LMNTD1: variants seen among roughly 807,000 people sequenced by gnomAD.
LMNTD1 encodes lamin tail domain-containing protein 1.
LMNTD1 carries 35 observed loss-of-function variants against 50.9 expected under a neutral mutation model. That is an observed-to-expected ratio of 0.69 (90% CI 0.53 to 0.91). The LOEUF (loss-of-function observed/expected upper bound fraction) is 0.91, where lower values mean the gene tolerates loss of function less well. Ranked by LOEUF, LMNTD1 falls within the 40% of genes least tolerant of loss-of-function variation. LMNTD1 has a pLI of 0.00. For synonymous variants in LMNTD1, 153 were observed against 161.9 expected (o/e 0.94, Z 0.42); for missense variants, 470 against 475.5 (o/e 0.99, Z 0.11).
At chr12:25,532,068 AAG>A (rs201920919) in intron 4 of LMNTD1, among the ~76,000 whole-genome samples, 1,571 of 152,252 alleles carry the variant, frequency 0.01, 32 homozygotes, top group Non-Finnish European at 0.011. Flanking sequence ...TCCTGGTCAG[AAG>A]ACTACAATGT....
chr12:25,494,552 A>C (rs796263382), intron 9 of LMNTD1, among the ~76,000 whole-genome samples: 7 of 152,294 alleles, frequency 4.6e-5, no homozygotes, highest in African/African-American at 1.7e-4. Context: ...GTTTGTCTCC[A>C]TAATGTATTC....
intron 3 of LMNTD1, among the ~76,000 whole-genome samples, chr12:25,547,953 C>A (rs1943527750): frequency 6.6e-6 from 1 of 151,742 alleles, no homozygotes; most frequent in Non-Finnish European, 1.5e-5. Flanking sequence ...TAAGGGGAAG[C>A]CACTGTATTT....
chr12:25,546,372 A>G lies in LMNTD1; in HGVS notation c.491+2T>C. 6.4e-7 allele frequency: 1 copy of G among 1,567,730 alleles called. No homozygotes were observed. Among genetic ancestry groups the G allele is most frequent in the Non-Finnish European group, 8.7e-7 (1 of 1,153,400 alleles). ...ACTAAGTAGTTCAAATAAAATATGTACCTGGAGGTAAATTGGCCAACTTCT... is the reference window on the plus strand; with the variant it reads ...ACTAAGTAGTTCAAATAAAATATGTGCCTGGAGGTAAATTGGCCAACTTCT... On this transcript the variant is annotated splice_donor_variant, in intron 4 of 9. Coordinates refer to ENST00000458174, the MANE Select transcript of LMNTD1 (RefSeq NM_001145728.2). LOFTEE classifies it high-confidence loss of function.
intron 4 of LMNTD1, 30 bp downstream of exon 4, chr12:25,546,344 G>C: frequency 2.1e-6 from 3 of 1,415,390 alleles, no homozygotes; most frequent in Non-Finnish European, 2.9e-6. Context: ...CCCGACAGAA[G>C]ATACTAAGTA....
At chr12:25,583,323 G>A (rs1325017542) in intron 1 of LMNTD1, among the ~76,000 whole-genome samples, 2 of 101,884 alleles carry the variant, frequency 2.0e-5, no homozygotes, top group African/African-American at 3.1e-5. Flanking sequence ...CACCGTGCCC[G>A]GCCGGTAATG....
intron 1 of LMNTD1, among the ~76,000 whole-genome samples, chr12:25,633,535 A>G (rs1409354666): frequency 6.6e-6 from 1 of 152,226 alleles, no homozygotes; most frequent in African/African-American, 2.4e-5. Context: ...CTTCAAAACC[A>G]AGCAAACACA....
upstream of LMNTD1, among the ~76,000 whole-genome samples, chr12:25,555,397 T>C (rs1392597163): frequency 1.3e-5 from 2 of 152,156 alleles, no homozygotes; most frequent in Admixed American, 6.5e-5. Flanking sequence ...TTACATGTAA[T>C]ACAGGAAACA....
intron 6 of LMNTD1, among the ~76,000 whole-genome samples, chr12:25,520,981 G>A (rs279009): frequency 0.74 from 112,656 of 152,070 alleles, 42,536 homozygotes; most frequent in East Asian, 0.88. Context: ...ATCTTTTAAT[G>A]TATCTGTTGG....
intron 1 of LMNTD1, among the ~76,000 whole-genome samples, chr12:25,586,429 A>G (rs1945525878): frequency 6.6e-6 from 1 of 152,042 alleles, no homozygotes; most frequent in Admixed American, 6.6e-5. Context: ...TAATCTTTTT[A>G]TTGGTCTTCC....
At chr12:25,614,520 T>C (rs1946312767) in intron 1 of LMNTD1, among the ~76,000 whole-genome samples, 2 of 152,232 alleles carry the variant, frequency 1.3e-5, no homozygotes, top group African/African-American at 2.4e-5. Context: ...TCCAAGATAC[T>C]ATCACATGCA....
intron 1 of LMNTD1, among the ~76,000 whole-genome samples, chr12:25,591,577 TG>T (rs1013496430): frequency 6.6e-6 from 1 of 152,094 alleles, no homozygotes; most frequent in African/African-American, 2.4e-5. Flanking sequence ...GCCCAGGGCC[TG>T]GGGGAACTTG....
At chr12:25,616,711 G>T (rs534965187) in intron 1 of LMNTD1, among the ~76,000 whole-genome samples, 1 of 152,034 alleles carries the variant, frequency 6.6e-6, no homozygotes, top group African/African-American at 2.4e-5. Context: ...AATTGCATAT[G>T]AATCTACAAT....
intron 1 of LMNTD1, among the ~76,000 whole-genome samples, chr12:25,597,253 C>T (rs1351541254): frequency 1.3e-5 from 2 of 151,702 alleles, no homozygotes; most frequent in African/African-American, 4.8e-5. Flanking sequence ...CATAGAGTGG[C>T]TGAAACACAC....
chr12:25,489,402 C>T (rs372402991), intron 9 of LMNTD1, among the ~76,000 whole-genome samples: 4 of 151,636 alleles, frequency 2.6e-5, no homozygotes, highest in African/African-American at 7.3e-5. Context: ...CAGGTGCGTC[C>T]GTCACCCCTT....
At chr12:25,627,695 T>C (rs1278513663) in intron 1 of LMNTD1, among the ~76,000 whole-genome samples, 1 of 152,236 alleles carries the variant, frequency 6.6e-6, no homozygotes, top group African/African-American at 2.4e-5. Context: ...TAACTAAAGG[T>C]GCATATGTTT....
intron 9 of LMNTD1, among the ~76,000 whole-genome samples, chr12:25,489,499 G>A (rs1415918389): frequency 1.4e-5 from 2 of 140,274 alleles, no homozygotes; most frequent in South Asian, 2.3e-4. Context: ...CGCACGGTGC[G>A]CGCACCCGCT....
At chr12:25,498,065 TA>T (rs1331589825) in intron 9 of LMNTD1, among the ~76,000 whole-genome samples, 1 of 152,162 alleles carries the variant, frequency 6.6e-6, no homozygotes, top group African/African-American at 2.4e-5. Flanking sequence ...TGAATCAATT[TA>T]AATAGAGCTA....
At chr12:25,636,957 G>A (rs1335929860) in intron 1 of LMNTD1, among the ~76,000 whole-genome samples, 1 of 149,810 alleles carries the variant, frequency 6.7e-6, no homozygotes, top group East Asian at 2.0e-4. Context: ...AAAGGCATAA[G>A]AATGATACAA....
At chr12:25,519,325 C>T (rs1280906309) in intron 7 of LMNTD1, among the ~76,000 whole-genome samples, 6 of 151,372 alleles carry the variant, frequency 4.0e-5, no homozygotes, top group African/African-American at 1.5e-4. Context: ...GCCGCGGTGG[C>T]TCACGCCTGT....
Sources: allele counts gnomAD v4.1 joint callset (sites outside exome capture counted in the v4.1 genomes callset), GRCh38; gene constraint gnomAD v4.1.1; transcripts MANE v1.5; gene names NCBI Gene and HGNC (gene_info 2026-07-23, HGNC 2026-07-21).